PTPRM: variants seen among roughly 807,000 people sequenced by gnomAD.
The protein encoded by PTPRM is protein tyrosine phosphatase receptor type M.
A neutral mutation model predicts 186.7 loss-of-function variants in PTPRM; 47 were observed. The observed-to-expected ratio is 0.25, with a 90% CI of 0.20 to 0.32. PTPRM has a LOEUF of 0.32. PTPRM is among the 10% of genes least tolerant of loss of function. The pLI is 1.00. For synonymous variants in PTPRM, 668 were observed against 674.9 expected (o/e 0.99, Z 0.16); for missense variants, 1,494 against 1,865.0 (o/e 0.80, Z 3.66).
intron 2 of PTPRM, among the ~76,000 whole-genome samples, chr18:7,803,816 A>C (rs544608713): frequency 1.3e-5 from 2 of 152,322 alleles, no homozygotes; most frequent in East Asian, 3.9e-4. Flanking sequence ...TTCACGGACA[A>C]CACATGCCTA....
chr18:7,616,818 G>A (rs2037816989), intron 1 of PTPRM, among the ~76,000 whole-genome samples: 2 of 152,250 alleles, frequency 1.3e-5, no homozygotes, highest in Admixed American at 1.3e-4. Context: ...GGGGAGATCT[G>A]CCTGTTCTCA....
intron 5 of PTPRM, 109 bp downstream of exon 5, chr18:7,926,792 T>G: frequency 1.5e-6 from 1 of 648,254 alleles, no homozygotes; most frequent in Non-Finnish European, 2.4e-6. Flanking sequence ...AAGAGTTTCC[T>G]TCTTTGTTAA....
intron 2 of PTPRM, among the ~76,000 whole-genome samples, chr18:7,828,362 G>A (rs992116183): frequency 6.6e-6 from 1 of 151,418 alleles, no homozygotes; most frequent in Non-Finnish European, 1.5e-5. Context: ...CCATTAACTC[G>A]TCATTTAACA....
In PTPRM at chr18:7,738,442, G is replaced by GT. The variant is rs35994895; in HGVS notation, c.74-35696dup. Among the ~76,000 whole-genome samples the GT allele has an allele frequency of 9.4e-3, 1,370 of 146,246 alleles. 11 individuals carry two copies. Among genetic ancestry groups the GT allele is most frequent in the African/African-American group, 0.027 (1,084 of 40,198 alleles). ...CATAGCCCAGTTTATTCAACTTTTG[G>GT]TTTTTTTTTTTGAGACGGAGTCTCG... On this transcript the variant is annotated intron_variant, in intron 1 of 32. Transcript: ENST00000580170.
rs1007495793 is a variant in PTPRM at position 7,955,192 on chromosome 18, G to A, written c.910G>A (p.Ala304Thr). 4 of 1,614,024 alleles carry A rather than the reference G, an allele frequency of 2.5e-6. No individual in the cohort carries two copies. The highest frequency in any genetic ancestry group is 1.3e-5 in the African/African-American group (1 of 74,910). The change falls in exon 7 of 33, where the codon GCC (alanine) becomes ACC (threonine). Residue 304 changes from alanine to threonine, a missense_variant. By Grantham distance (58) the Ala-to-Thr change is moderately conservative. Around this residue, in one of 3 missense-constraint regions of PTPRM, gnomAD observed 91 missense variants for 169.3 expected, o/e 0.54. Coordinates refer to ENST00000580170, the MANE Select transcript of PTPRM (RefSeq NM_001105244.2). Reference protein sequence around the residue: ...GATYLWIQLNANSINGDGPIV... With the variant: ...GATYLWIQLNTNSINGDGPIV... ...CACCTACCTGTGGATACAGCTCAAC[G>A]CCAACTCCATCAATGGGGATGGGCC...
chr18:8,262,022 GTCC>G (rs5822997), intron 19 of PTPRM, among the ~76,000 whole-genome samples: 71,103 of 151,586 alleles, frequency 0.47, 16,819 homozygotes, highest in Admixed American at 0.55. Flanking sequence ...TCTGGTACTG[GTCC>G]TCCTGCTTTT....
intron 7 of PTPRM, among the ~76,000 whole-genome samples, chr18:8,063,968 A>G (rs1014253170): frequency 2.0e-5 from 3 of 152,154 alleles, no homozygotes; most frequent in Admixed American, 6.6e-5. Flanking sequence ...TAGGCTGTCA[A>G]TTGTGGCCTA....
intron 1 of PTPRM, among the ~76,000 whole-genome samples, chr18:7,743,178 G>T (rs903481249): frequency 6.6e-6 from 1 of 152,192 alleles, no homozygotes; most frequent in African/African-American, 2.4e-5. Context: ...GCTACTGCCT[G>T]TATGGCCGCT....
intron 1 of PTPRM, among the ~76,000 whole-genome samples, chr18:7,760,752 A>G (rs983969737): frequency 6.6e-6 from 1 of 152,254 alleles, no homozygotes; most frequent in Non-Finnish European, 1.5e-5. Flanking sequence ...CTTAATTCTT[A>G]TAACATTCTA....
At chr18:7,911,217 G>A (rs2050245903) in intron 4 of PTPRM, among the ~76,000 whole-genome samples, 1 of 152,182 alleles carries the variant, frequency 6.6e-6, no homozygotes, top group Admixed American at 6.5e-5. Context: ...GGGCTATTGG[G>A]AATAATGCTG....
chr18:7,986,062 T>C (rs1360692440), intron 7 of PTPRM, among the ~76,000 whole-genome samples: 1 of 152,172 alleles, frequency 6.6e-6, no homozygotes, highest in African/African-American at 2.4e-5. Context: ...AATTATGCTT[T>C]GAAGTTTGAA....
intron 7 of PTPRM, among the ~76,000 whole-genome samples, chr18:7,984,289 T>G (rs907953443): frequency 6.6e-6 from 1 of 151,960 alleles, no homozygotes; most frequent in South Asian, 2.1e-4. Context: ...GCAAGAGAGA[T>G]AACAGTATCC....
intron 1 of PTPRM, among the ~76,000 whole-genome samples, chr18:7,699,065 C>T (rs1368757690): frequency 6.6e-6 from 1 of 152,172 alleles, no homozygotes; most frequent in Non-Finnish European, 1.5e-5. Flanking sequence ...CGCCTCCTGT[C>T]AGATCAGCGG....
intron 1 of PTPRM, among the ~76,000 whole-genome samples, chr18:7,734,484 T>C (rs7243914): frequency 1.2e-4 from 19 of 152,198 alleles, no homozygotes; most frequent in African/African-American, 4.6e-4. Context: ...GTTTTGTGAG[T>C]ACTAAATCGA....
At chr18:7,889,618 C>G (rs915701663) in intron 3 of PTPRM, among the ~76,000 whole-genome samples, 2 of 152,104 alleles carry the variant, frequency 1.3e-5, no homozygotes, top group Non-Finnish European at 2.9e-5. Flanking sequence ...GAATTACAGG[C>G]ATGAGCCATT....
rs187132386 is a variant in PTPRM at position 7,900,514 on chromosome 18, T to C, written c.469-5991T>C. On this transcript the variant is annotated intron_variant, in intron 3 of 32. Coordinates refer to ENST00000580170, the MANE Select transcript of PTPRM (RefSeq NM_001105244.2). ...TTTCTTATAAATCTGGATGTAAAAA[T>C]TTTAGAACCTGTGTATCTATACATT... Among the ~76,000 whole-genome samples the C allele has an allele frequency of 2.8e-4, 43 of 152,280 alleles. 1 individual carries two copies. The highest frequency in any genetic ancestry group is 3.8e-4 in the Non-Finnish European group (26 of 68,016).
At chr18:8,111,921 GT>G (rs1290370377) in intron 11 of PTPRM, among the ~76,000 whole-genome samples, 3 of 152,150 alleles carry the variant, frequency 2.0e-5, no homozygotes, top group African/African-American at 7.2e-5. Flanking sequence ...AGGCCTGTTT[GT>G]TTTTAATGGT....
At chr18:7,808,351 A>T (rs901183317) in intron 2 of PTPRM, among the ~76,000 whole-genome samples, 1 of 152,164 alleles carries the variant, frequency 6.6e-6, no homozygotes, top group Non-Finnish European at 1.5e-5. Flanking sequence ...CCCTCCATCC[A>T]TGTAGAGGCG....
intron 2 of PTPRM, among the ~76,000 whole-genome samples, chr18:7,853,562 C>T (rs2046963467): frequency 1.3e-5 from 2 of 152,192 alleles, no homozygotes; most frequent in Admixed American, 1.3e-4. Flanking sequence ...GTATTTCACT[C>T]ATGCATCAAA....
Sources: allele counts gnomAD v4.1 joint callset (sites outside exome capture counted in the v4.1 genomes callset), GRCh38; gene constraint gnomAD v4.1.1; regional missense constraint gnomAD v4.1.1; transcripts MANE v1.5; gene names NCBI Gene and HGNC (gene_info 2026-07-23, HGNC 2026-07-21).